Variants in CBLN2 observed in about 807,000 individuals in gnomAD.
The protein encoded by CBLN2 is cerebellin-2.
CBLN2 carries 7 observed loss-of-function variants against 15.0 expected under a neutral mutation model. The ratio of observed to expected loss-of-function variants is 0.47; its 90% CI spans 0.27 to 0.88. The LOEUF (loss-of-function observed/expected upper bound fraction) is 0.88. CBLN2 is among the 40% of genes least tolerant of loss of function. The pLI is 0.14. For missense variants in CBLN2, 242 were observed against 304.5 expected, an observed-to-expected ratio of 0.79 and a Z score of 1.53; for synonymous variants, 149 against 135.2, an observed-to-expected ratio of 1.10 and a Z score of -0.71.
chr18:72,574,520 G>C (rs2069352435), intron 1 of CBLN2, among the ~76,000 whole-genome samples: 1 of 152,170 alleles, frequency 6.6e-6, no homozygotes, highest in South Asian at 2.1e-4. Flanking sequence ...GGTTGCTGAA[G>C]GATATCCTTG....
intron 1 of CBLN2, among the ~76,000 whole-genome samples, chr18:72,552,981 T>C (rs928904940): frequency 6.6e-6 from 1 of 152,144 alleles, no homozygotes; most frequent in Non-Finnish European, 1.5e-5. Context: ...TATTTTTAAA[T>C]TTTCCACCAC....
intron 3 of CBLN2, chr18:72,540,231 T>C (rs548510647): frequency 6.6e-6 from 1 of 152,326 alleles, no homozygotes; most frequent in African/African-American, 2.4e-5. Flanking sequence ...TCACCTCAAC[T>C]CCTTCACCTC....
chr18:72,588,879 G>A lies in CBLN2; in HGVS notation c.15+49446C>T, dbSNP rs1033708152. ...TTAAGTACTTCGCTCAAGCTGGAGC[G>A]TAATATTTGGAAGGCAGGAAGGAAA... On this transcript the variant is annotated intron_variant, in intron 1 of 2. Transcript: ENST00000581073. 3.9e-5 allele frequency among the ~76,000 whole-genome samples: 6 copies of A among 152,212 alleles called. No individual in the cohort carries two copies. The South Asian group carries it at 6.2e-4, about 16-fold the overall frequency.
At position 72,543,687 on chromosome 18, in the gene CBLN2, G is replaced by T. The variant is rs1015382765; in HGVS notation, c.-211-157C>A. On this transcript the variant is annotated intron_variant, in intron 1 of 4. Transcript: ENST00000269503. This position sits in a 1 kb window ranked among gnomAD's most constrained non-coding sequence, Gnocchi z 6.8. ...GGGGTGCACCACGCCCCGCGCGCCCGCTTAGGCGCCGCGCCCGGGACCGGG... is the reference window on the plus strand; with the variant it reads ...GGGGTGCACCACGCCCCGCGCGCCCTCTTAGGCGCCGCGCCCGGGACCGGG... 1 of 353,208 alleles carries T rather than the reference G, an allele frequency of 2.8e-6. No homozygotes were observed. Among genetic ancestry groups the T allele is most frequent in the Non-Finnish European group, 5.1e-6 (1 of 197,094 alleles). 21.9% of individuals were successfully genotyped at this position (353,208 alleles called of 1,614,324 possible). A position where few individuals can be genotyped will look rare whatever the true frequency, so the allele number is the denominator to read the frequency against.
chr18:72,621,766 CA>C (rs1316297405), intron 1 of CBLN2, among the ~76,000 whole-genome samples: 3 of 152,132 alleles, frequency 2.0e-5, no homozygotes, highest in Admixed American at 6.5e-5. Context: ...CAGAGCCCTG[CA>C]AAATAGGACT....
intron 1 of CBLN2, among the ~76,000 whole-genome samples, chr18:72,578,163 C>T (rs1216464716): frequency 6.6e-6 from 1 of 152,146 alleles, no homozygotes; most frequent in Non-Finnish European, 1.5e-5. Context: ...ATACTATAAA[C>T]ATTCAATAAA....
At chr18:72,567,651 G>T (rs1356430392) in intron 1 of CBLN2, among the ~76,000 whole-genome samples, 1 of 152,092 alleles carries the variant, frequency 6.6e-6, no homozygotes, top group African/African-American at 2.4e-5. Context: ...AAAGTCTCCA[G>T]CCTCTAAGAT....
chr18:72,592,296 C>CTT (rs1022992923), intron 1 of CBLN2, among the ~76,000 whole-genome samples: 17 of 148,902 alleles, frequency 1.1e-4, no homozygotes, highest in African/African-American at 3.7e-4. Context: ...ATCTGTATGT[C>CTT]TTTTTTTTTT....
Position 72,551,441 on chromosome 18 carries a change from T to C in CBLN2, c.16-12669A>G, listed in dbSNP as rs543718649. 7.2e-5 allele frequency among the ~76,000 whole-genome samples: 11 copies of C among 152,290 alleles called. No homozygotes were observed. In the South Asian group the frequency reaches 1.2e-3, roughly 17 times the overall value. On this transcript the variant is annotated intron_variant, in intron 1 of 2. Coordinates refer to the CBLN2 transcript ENST00000581073. The stretch of plus-strand genomic sequence containing the variant: ...AATCCTGTGCTTCCTTTTGTTGTCT[T>C]TTATATTTCTGAGAGATCTAAATCT...
intron 1 of CBLN2, among the ~76,000 whole-genome samples, chr18:72,612,350 C>CTG (rs938346965): frequency 6.6e-6 from 1 of 152,072 alleles, no homozygotes; most frequent in African/African-American, 2.4e-5. Flanking sequence ...GTGTATGTGC[C>CTG]TGTGTGTGTG....
intron 1 of CBLN2, among the ~76,000 whole-genome samples, chr18:72,622,001 G>A (rs1381400862): frequency 6.6e-6 from 1 of 152,198 alleles, no homozygotes; most frequent in Non-Finnish European, 1.5e-5. Context: ...AGGGATTGCT[G>A]TGGGTTTTGT....
chr18:72,628,373 T>C (rs1263037774), intron 1 of CBLN2, among the ~76,000 whole-genome samples: 1 of 152,194 alleles, frequency 6.6e-6, no homozygotes, highest in Non-Finnish European at 1.5e-5. Context: ...GGGATCCATA[T>C]GTGTGGGAAG....
At position 72,568,033 on chromosome 18, in the gene CBLN2, C is replaced by G. The variant is rs187842491; in HGVS notation, c.16-29261G>C. Among the ~76,000 whole-genome samples the G allele has an allele frequency of 1.5e-3, 234 of 152,254 alleles. 4 individuals are homozygous for G. The highest frequency in any genetic ancestry group is 0.015 in the South Asian group (73 of 4,826). ...ATACTCATTTTCACCTCTTTTCTCA[C>G]TCAGAAGCTTTGATTTCATTTCTTG... On this transcript the variant is annotated intron_variant, in intron 1 of 2. Coordinates refer to the CBLN2 transcript ENST00000581073.
chr18:72,613,718 G>A (rs1028275572), intron 1 of CBLN2, among the ~76,000 whole-genome samples: 1 of 152,152 alleles, frequency 6.6e-6, no homozygotes, highest in Non-Finnish European at 1.5e-5. Flanking sequence ...TATTTGAACA[G>A]TATCTCTACA....
At chr18:72,632,192 A>G (rs1031395354) in intron 1 of CBLN2, among the ~76,000 whole-genome samples, 4 of 152,240 alleles carry the variant, frequency 2.6e-5, no homozygotes, top group Admixed American at 2.6e-4. Flanking sequence ...TGTGTAATTA[A>G]TCAATATGAG....
intron 1 of CBLN2, among the ~76,000 whole-genome samples, chr18:72,608,279 T>TG (rs939209220): frequency 3.9e-5 from 6 of 152,152 alleles, no homozygotes; most frequent in African/African-American, 1.2e-4. Context: ...TCTTTTCTCC[T>TG]GGGGGGATAA....
At chr18:72,634,571 T>A (rs1379401044) in intron 1 of CBLN2, among the ~76,000 whole-genome samples, 1 of 152,110 alleles carries the variant, frequency 6.6e-6, no homozygotes, top group African/African-American at 2.4e-5. Context: ...GACGTGCAGA[T>A]AAGTATTCTA....
intron 1 of CBLN2, chr18:72,625,242 C>G (rs2069728147): frequency 6.6e-6 from 1 of 152,132 alleles, no homozygotes; most frequent in Non-Finnish European, 1.5e-5. Context: ...CAACCGCCGG[C>G]TGAGCCATAA....
chr18:72,571,988 T>G (rs2069335327), intron 1 of CBLN2, among the ~76,000 whole-genome samples: 2 of 152,204 alleles, frequency 1.3e-5, no homozygotes, highest in Admixed American at 1.3e-4. Flanking sequence ...TACAATACAA[T>G]TTATCATACA....
Sources: gnomAD v4.1 joint callset for allele counts (sites outside exome capture counted in the v4.1 genomes callset) on GRCh38, gnomAD v4.1.1 for gene constraint, Gnocchi (gnomAD v3.1) non-coding constraint, MANE v1.5 for transcripts, NCBI Gene and HGNC (gene_info 2026-07-23, HGNC 2026-07-21) for gene names.